ADCY6: variants seen among roughly 807,000 people sequenced by gnomAD.
The protein encoded by ADCY6 is adenylate cyclase 6.
ADCY6 carries 59 observed loss-of-function variants against 111.6 expected under a neutral mutation model. The ratio of observed to expected loss-of-function variants is 0.53; its 90% CI spans 0.43 to 0.66. The LOEUF is 0.66. ADCY6 is among the 30% of genes least tolerant of loss of function. ADCY6 has a pLI of 0.00. For missense variants in ADCY6, 1,242 were observed against 1,595.6 expected (o/e 0.78, Z 3.78); for synonymous variants, 576 against 642.9 (o/e 0.90, Z 1.57).
chr12:48,773,356 G>C (rs1024472546), intron 16 of ADCY6, 113 bp downstream of exon 16: 19 of 1,212,914 alleles, frequency 1.6e-5, no homozygotes, highest in Non-Finnish European at 4.6e-6. Flanking sequence ...TTCCCCCACA[G>C]GGGTGTTGTG....
At position 48,776,588 on chromosome 12, in the gene ADCY6, T is replaced by G; in HGVS notation, c.1377-2A>C. 2.5e-6 allele frequency: 4 copies of G among 1,605,008 alleles called. No individual in the cohort carries two copies. Among genetic ancestry groups the G allele is most frequent in the Non-Finnish European group, 3.4e-6 (4 of 1,177,164 alleles). ...ACACCTGTCACCTCACGTACCAGCCTGGGAGGATGCAGCCCCAGATCAGCT... is the reference window on the plus strand; with the variant it reads ...ACACCTGTCACCTCACGTACCAGCCGGGGAGGATGCAGCCCCAGATCAGCT... On this transcript the variant is annotated splice_acceptor_variant, in intron 6 of 21. Transcript: ENST00000357869. LOFTEE classifies it high-confidence loss of function. This position sits in a 1 kb window ranked among gnomAD's most constrained non-coding sequence, Gnocchi z 6.1.
At chr12:48,785,481 T>C (rs1450632503) in intron 1 of ADCY6, among the ~76,000 whole-genome samples, 3 of 152,176 alleles carry the variant, frequency 2.0e-5, no homozygotes, top group Non-Finnish European at 4.4e-5. Flanking sequence ...TAGCCAGGCA[T>C]GGTGGCGCAT....
At position 48,777,787 on chromosome 12, in the gene ADCY6, C is replaced by G. The variant is rs1941743502; in HGVS notation, c.1015-51G>C. ...TCACTATACTCTTGGTCTCACATTG[C>G]AATCCCTCCTGGTCTCTCCACATCG... On this transcript the variant is annotated intron_variant, in intron 3 of 21. Transcript: ENST00000357869. The surrounding 1 kb of genome is among the most constrained non-coding windows in gnomAD (Gnocchi z 4.9). 1.2e-6 allele frequency: 2 copies of G among 1,606,488 alleles called. No homozygotes were observed. Among genetic ancestry groups the G allele is most frequent in the African/African-American group, 2.7e-5 (2 of 74,812 alleles).
intron 2 of ADCY6, among the ~76,000 whole-genome samples, chr12:48,781,444 C>A (rs1421309537): frequency 1.3e-5 from 2 of 152,202 alleles, no homozygotes; most frequent in African/African-American, 4.8e-5. Context: ...GCTGTGCCTA[C>A]AGCAGCGCCT....
At chr12:48,780,021 G>C (rs186688528) in intron 2 of ADCY6, among the ~76,000 whole-genome samples, 1 of 152,288 alleles carries the variant, frequency 6.6e-6, no homozygotes, top group Non-Finnish European at 1.5e-5. Flanking sequence ...CAGGGGTGAA[G>C]AGAGGGGCAC....
rs550377203 is a variant in ADCY6 at position 48,783,052 on chromosome 12, G to A, written c.383C>T (p.Ser128Leu). 15 of 1,613,322 alleles carry A rather than the reference G, an allele frequency of 9.3e-6. No individual in the cohort carries two copies. In the Admixed American group the frequency reaches 1.2e-4, roughly 13 times the overall value. ...CWRRLVQVFQ[S>L]KQFRSAKLER... is the part of the protein sequence containing the mutation. ...CAGCTTGGCCGAACGGAACTGCTTC[G>A]ACTGGAACACCTGCACCAGACGGCG... is the stretch of plus-strand genomic sequence containing the variant. Residue 128 changes from serine to leucine, a missense_variant, in exon 2 of 22, where the codon TCG becomes TTG. Ser to Leu is a moderately radical substitution (Grantham distance 145, BLOSUM62 -2). This residue lies in a region of ADCY6 where 362 missense variants were observed against 377.2 expected (regional missense o/e 0.96). Coordinates refer to ENST00000357869, the MANE Select transcript of ADCY6 (RefSeq NM_015270.5).
In ADCY6 at chr12:48,769,176, G is replaced by A. The variant is rs897436344; in HGVS notation, c.3257-115C>T. 15 of 1,159,042 alleles carry A rather than the reference G, an allele frequency of 1.3e-5. No individual in the cohort carries two copies. The East Asian group carries it at 4.0e-4, about 31-fold the overall frequency. 71.8% of individuals were successfully genotyped at this position (1,159,042 alleles called of 1,614,324 possible). A position where few individuals can be genotyped will look rare whatever the true frequency, so the allele number is the denominator to read the frequency against. ...AGAGAAAAAAATGGAAAAAGGACAAGTCTCCTGGTTGTAAAGAACAATCTA... is the reference window on the plus strand; with the variant it reads ...AGAGAAAAAAATGGAAAAAGGACAAATCTCCTGGTTGTAAAGAACAATCTA... On this transcript the variant is annotated intron_variant, in intron 20 of 21. Transcript: ENST00000357869.
At position 48,773,928 on chromosome 12, in the gene ADCY6, C is replaced by T. The variant is rs774294958; in HGVS notation, c.2442+12G>A. 3 of 1,613,090 alleles carry T rather than the reference C, an allele frequency of 1.9e-6. No individual in the cohort carries two copies. In the Admixed American group the frequency reaches 5.0e-5, roughly 27 times the overall value. ...GGACAGCCCCCCCACCGCCTGAGCACTGCTCGAACACCTCAGGAAAGCTGC... is the reference window on the plus strand; with the variant it reads ...GGACAGCCCCCCCACCGCCTGAGCATTGCTCGAACACCTCAGGAAAGCTGC... On this transcript the variant is annotated intron_variant, in intron 15 of 21. Transcript: ENST00000357869.
intron 1 of ADCY6, among the ~76,000 whole-genome samples, chr12:48,785,525 G>A (rs1941965155): frequency 6.6e-6 from 1 of 152,172 alleles, no homozygotes; most frequent in South Asian, 2.1e-4. Context: ...AGGCTGAGGT[G>A]AGAGAATCAC....
At chr12:48,774,815 TGGAAGA>T in intron 12 of ADCY6, 37 bp from the exon 13 acceptor site, 1 of 1,597,638 alleles carries the variant, frequency 6.3e-7, no homozygotes, top group Non-Finnish European at 8.6e-7. Context: ...CATTTAATTC[TGGAAGA>T]TCTGGGCATT....
Position 48,782,770 on chromosome 12 carries a change from A to C in ADCY6, c.665T>G (p.Val222Gly). The change falls in exon 2 of 22, where the codon GTG becomes GGG. Residue 222 changes from valine to glycine, a missense_variant. By Grantham distance (109) the Val-to-Gly change is moderately radical. Around this residue, in one of 4 missense-constraint regions of ADCY6, gnomAD observed 362 missense variants for 377.2 expected, o/e 0.96. Coordinates refer to ENST00000357869, the MANE Select transcript of ADCY6 (RefSeq NM_015270.5). The surrounding 1 kb of genome is among the most constrained non-coding windows in gnomAD (Gnocchi z 4.3). ...TGCTGCGAGAGCGCCCCCGACCTGC[A>C]CTGCCGCCAGGATGCCCAGCACCAC... ...SYVVLGILAA[V>G]QVGGALAADP... The C allele has an allele frequency of 6.2e-7, 1 of 1,612,516 alleles. No homozygotes were observed. The highest frequency in any genetic ancestry group is 8.5e-7 in the Non-Finnish European group (1 of 1,179,358).
At chr12:48,774,615 C>T in intron 13 of ADCY6, 76 bp downstream of exon 13, 1 of 1,572,170 alleles carries the variant, frequency 6.4e-7, no homozygotes, top group Non-Finnish European at 8.8e-7. Flanking sequence ...GGCCTTCTCC[C>T]TCTCCCCATG....
chr12:48,772,160 C>G (rs1010022062), intron 18 of ADCY6, 135 bp downstream of exon 18: 13 of 1,423,260 alleles, frequency 9.1e-6, no homozygotes, highest in South Asian at 7.0e-5. Context: ...AAGGGATGGG[C>G]ACAGAGAAGG....
In ADCY6 at chr12:48,770,624, C is replaced by A. The variant is rs28555113; in HGVS notation, c.3256+142G>T. ...GCCTAATGATCTCTGTTCTTAATAT[C>A]AGACTTGATATAGGAGGTCAGAGGG... On this transcript the variant is annotated intron_variant, in intron 20 of 21. Coordinates refer to ENST00000357869, the MANE Select transcript of ADCY6 (RefSeq NM_015270.5). 217 of 776,460 alleles carry A rather than the reference C, an allele frequency of 2.8e-4. No homozygotes were observed. In the African/African-American group the frequency reaches 3.2e-3, roughly 12 times the overall value. 48.1% of individuals were successfully genotyped at this position (776,460 alleles called of 1,614,324 possible).
In ADCY6 at chr12:48,773,521, G is replaced by A; in HGVS notation, c.2569C>T (p.Pro857Ser). 1.2e-6 allele frequency: 2 copies of A among 1,614,082 alleles called. No individual in the cohort carries two copies. The highest frequency in any genetic ancestry group is 1.1e-5 in the South Asian group (1 of 91,070). Residue 857 changes from proline (P) to serine (S), a missense_variant, in exon 16 of 22, where the codon CCC (proline) becomes TCC (serine). Pro to Ser is a moderately conservative substitution (Grantham distance 74, BLOSUM62 -1). Coordinates refer to ENST00000357869, the MANE Select transcript of ADCY6 (RefSeq NM_015270.5). ...TAGTTGTCAAAGATGGTGGCTGGGG[G>A]ACCCAGCAGAAGCAGCACCAAATAG... Reference protein sequence around the residue: ...LIYLVLLLLGPPATIFDNYDL... With the variant: ...LIYLVLLLLGSPATIFDNYDL...
chr12:48,771,987 AC>A lies in ADCY6; in HGVS notation c.2788-15del, dbSNP rs1244440007. The A allele has an allele frequency of 4.4e-6, 7 of 1,596,286 alleles. No individual in the cohort carries two copies. Among genetic ancestry groups the A allele is most frequent in the East Asian group, 4.5e-5 (2 of 44,776 alleles). ...CTCCCCTGTTGCCTGTGGACACCACACCCATCACCCATTGCCCGACATTCAC... is the reference window on the plus strand; with the variant it reads ...CTCCCCTGTTGCCTGTGGACACCACACCATCACCCATTGCCCGACATTCAC... On this transcript the variant is annotated splice_polypyrimidine_tract_variant and intron_variant, in intron 18 of 21. Coordinates refer to ENST00000357869, the MANE Select transcript of ADCY6 (RefSeq NM_015270.5). The surrounding 1 kb of genome is among the most constrained non-coding windows in gnomAD (Gnocchi z 4.3).
At chr12:48,786,477 C>T (rs1158401559) in intron 1 of ADCY6, among the ~76,000 whole-genome samples, 1 of 152,102 alleles carries the variant, frequency 6.6e-6, no homozygotes. Context: ...AGCAATTCTG[C>T]CTCGGCTTCC....
At position 48,777,575 on chromosome 12, in the gene ADCY6, A is replaced by AC. The variant is rs753902930; in HGVS notation, c.1136+39dup. ...ACACATAGCCCTCAAAGACTTCCAG[A>AC]CCCCCCGCCCTGCTGGGCATCCTCC... On this transcript the variant is annotated intron_variant, in intron 4 of 21. Coordinates refer to ENST00000357869, the MANE Select transcript of ADCY6 (RefSeq NM_015270.5). This position sits in a 1 kb window ranked among gnomAD's most constrained non-coding sequence, Gnocchi z 4.9. 2.0e-5 allele frequency: 32 copies of AC among 1,611,766 alleles called. No homozygotes were observed. Among genetic ancestry groups the AC allele is most frequent in the Non-Finnish European group, 2.5e-5 (29 of 1,179,632 alleles).
At position 48,778,249 on chromosome 12, in the gene ADCY6, G is replaced by A; in HGVS notation, c.873C>T (p.Ala291=). 1.2e-6 allele frequency: 2 copies of A among 1,614,086 alleles called. No individual in the cohort carries two copies. Among genetic ancestry groups the A allele is most frequent in the Non-Finnish European group, 1.7e-6 (2 of 1,180,026 alleles). The change falls in exon 3 of 22, where the codon GCC becomes GCT. Residue 291 remains alanine, a synonymous_variant. Transcript: ENST00000357869. ...GDAFLWKQLG[A]NVLLFLCTNV... The stretch of plus-strand genomic sequence containing the variant: ...TGGTGCAGAGGAACAGCAGCACATT[G>A]GCACCGAGCTGCAGGAGGTGGCAGA...
Sources: gnomAD v4.1 joint callset for allele counts (sites outside exome capture counted in the v4.1 genomes callset) on GRCh38, gnomAD v4.1.1 for gene constraint, gnomAD v4.1.1 regional missense constraint, Gnocchi (gnomAD v3.1) non-coding constraint, MANE v1.5 for transcripts, NCBI Gene and HGNC (gene_info 2026-07-23, HGNC 2026-07-21) for gene names.